NR3C2: variants seen among roughly 807,000 people sequenced by gnomAD.
NR3C2 encodes mineralocorticoid receptor.
A neutral mutation model predicts 86.4 loss-of-function variants in NR3C2; 15 were observed. The ratio of observed to expected loss-of-function variants is 0.17; its 90% confidence interval spans 0.12 to 0.27. NR3C2 has a LOEUF of 0.27. Among genes scored for constraint, NR3C2 ranks in the 10% least tolerant of loss-of-function variants. The pLI is 1.00. For missense variants in NR3C2, 960 were observed against 1,195.6 expected, an observed-to-expected ratio of 0.80 and a Z score of 2.91; for synonymous variants, 458 against 450.5, an observed-to-expected ratio of 1.02 and a Z score of -0.21.
At chr4:148,423,675 A>T (rs978059557) in intron 2 of NR3C2, among the ~76,000 whole-genome samples, 2 of 152,226 alleles carry the variant, frequency 1.3e-5, no homozygotes, top group African/African-American at 4.8e-5. Flanking sequence ...CATTAAGGAC[A>T]GAGTGGGGAC....
intron 2 of NR3C2, among the ~76,000 whole-genome samples, chr4:148,395,787 T>C (rs1747828526): frequency 6.6e-6 from 1 of 152,232 alleles, no homozygotes. Context: ...GTTATTATGA[T>C]GGCAAAGAAC....
intron 4 of NR3C2, among the ~76,000 whole-genome samples, chr4:148,185,702 T>G (rs1735859888): frequency 6.6e-6 from 1 of 152,192 alleles, no homozygotes. Context: ...TTCTATACAA[T>G]ATGCTTTCTA....
At chr4:148,216,139 G>A (rs961508003) in intron 3 of NR3C2, among the ~76,000 whole-genome samples, 5 of 151,990 alleles carry the variant, frequency 3.3e-5, no homozygotes, top group African/African-American at 1.2e-4. Context: ...AATGAGTATG[G>A]CTCTGTTCCA....
At chr4:148,167,030 CTTGTTACTATTCTGCT>C (rs1344803609) in intron 4 of NR3C2, among the ~76,000 whole-genome samples, 9 of 152,280 alleles carry the variant, frequency 5.9e-5, no homozygotes, top group African/African-American at 1.9e-4. Flanking sequence ...TTGCCACTTC[CTTGTTACTATTCTGCT>C]TATGTTCTAA....
At chr4:148,431,566 G>T (rs965896323) in intron 2 of NR3C2, among the ~76,000 whole-genome samples, 3 of 152,074 alleles carry the variant, frequency 2.0e-5, no homozygotes, top group Non-Finnish European at 4.4e-5. Flanking sequence ...ATTTAGCTTT[G>T]TCATAATTTA....
At chr4:148,300,483 T>G (rs955472199) in intron 2 of NR3C2, among the ~76,000 whole-genome samples, 12 of 152,172 alleles carry the variant, frequency 7.9e-5, no homozygotes, top group Admixed American at 2.0e-4. Flanking sequence ...GTTATAGGTA[T>G]ATTTAAAAGG....
chr4:148,196,279 G>A (rs1005790628), intron 3 of NR3C2, among the ~76,000 whole-genome samples: 2 of 152,182 alleles, frequency 1.3e-5, no homozygotes, highest in African/African-American at 4.8e-5. Flanking sequence ...AGGAGCCAGT[G>A]GTTTATGAGG....
At chr4:148,136,086 A>ACC (rs1560940043) in intron 6 of NR3C2, among the ~76,000 whole-genome samples, 2 of 136,798 alleles carry the variant, frequency 1.5e-5, no homozygotes, top group Non-Finnish European at 3.2e-5. Context: ...ACAAAAAAAA[A>ACC]AAACACCACC....
chr4:148,171,055 C>T (rs1052562180), intron 4 of NR3C2, among the ~76,000 whole-genome samples: 12 of 152,204 alleles, frequency 7.9e-5, no homozygotes, highest in Non-Finnish European at 1.6e-4. Context: ...ATTTCCACAA[C>T]AGGCTTCCTT....
chr4:148,277,964 T>C (rs897453104), intron 2 of NR3C2, among the ~76,000 whole-genome samples: 2 of 152,216 alleles, frequency 1.3e-5, no homozygotes, highest in Admixed American at 6.5e-5. Flanking sequence ...GGAAACAACA[T>C]GTATTCTCCA....
intron 2 of NR3C2, among the ~76,000 whole-genome samples, chr4:148,422,781 AT>A (rs920209313): frequency 1.3e-5 from 2 of 151,854 alleles, no homozygotes; most frequent in South Asian, 4.1e-4. Flanking sequence ...TCCTGGGGGT[AT>A]TTTTTTCTGT....
At chr4:148,117,880 GCTGGGCACAGA>G (rs1732342329) in intron 7 of NR3C2, among the ~76,000 whole-genome samples, 2 of 152,172 alleles carry the variant, frequency 1.3e-5, no homozygotes, top group African/African-American at 4.8e-5. Flanking sequence ...CATGGCAAGG[GCTGGGCACAGA>G]CTGGATACTC....
intron 2 of NR3C2, among the ~76,000 whole-genome samples, chr4:148,427,469 T>C (rs1372414780): frequency 3.3e-5 from 5 of 151,822 alleles, no homozygotes; most frequent in African/African-American, 1.2e-4. Context: ...GTTGGGTCTA[T>C]CAAGCCCAAG....
intron 6 of NR3C2, among the ~76,000 whole-genome samples, chr4:148,130,935 T>C (rs1733015352): frequency 6.6e-6 from 1 of 150,406 alleles, no homozygotes; most frequent in East Asian, 2.0e-4. Flanking sequence ...GCCATTCTCC[T>C]GCCTCAGCCT....
chr4:148,298,695 G>A (rs1742181378), intron 2 of NR3C2, among the ~76,000 whole-genome samples: 1 of 152,194 alleles, frequency 6.6e-6, no homozygotes, highest in South Asian at 2.1e-4. Flanking sequence ...ATCATCCACT[G>A]TTAATTAGCA....
At chr4:148,262,176 A>T (rs1740156321) in intron 2 of NR3C2, among the ~76,000 whole-genome samples, 1 of 152,236 alleles carries the variant, frequency 6.6e-6, no homozygotes, top group Non-Finnish European at 1.5e-5. Context: ...CATCATGAAA[A>T]TGTAATTGCT....
intron 3 of NR3C2, among the ~76,000 whole-genome samples, chr4:148,203,401 C>T (rs1426081413): frequency 2.7e-5 from 4 of 150,594 alleles, no homozygotes; most frequent in African/African-American, 7.3e-5. Flanking sequence ...GTGCTTAAAT[C>T]TCTTTTTCAT....
chr4:148,395,213 T>C (rs543707562), intron 2 of NR3C2, among the ~76,000 whole-genome samples: 101 of 152,322 alleles, frequency 6.6e-4, no homozygotes, highest in African/African-American at 2.4e-3. Context: ...AAATATTAAT[T>C]AGTATGTATA....
In NR3C2 at chr4:148,081,447, G is replaced by A. The variant is rs547308323; in HGVS notation, c.2852C>T (p.Ala951Val). The change falls in exon 9 of 9, where the codon GCG (alanine) becomes GTG (valine). Residue 951 changes from alanine to valine, a missense_variant. Physicochemically the swap from Ala to Val is moderately conservative, Grantham distance 64 (BLOSUM62 0). Around this residue, in one of 4 missense-constraint regions of NR3C2, gnomAD observed 151 missense variants for 296.3 expected, o/e 0.51. Coordinates refer to ENST00000358102, the MANE Select transcript of NR3C2 (RefSeq NM_000901.5). The part of the protein sequence containing the change: ...FCFYTFRESH[A>V]LKVEFPAMLV... ...CATTGCGGGGAACTCTACCTTCAGC[G>A]CATGGGACTCTCGGAAGGTGTAGAA... 120 of 1,613,980 alleles carry A rather than the reference G, an allele frequency of 7.4e-5. No homozygotes were observed. Among genetic ancestry groups the A allele is most frequent in the Middle Eastern group, 3.3e-4 (2 of 6,082 alleles).
Sources: gnomAD v4.1 joint callset for allele counts (sites outside exome capture counted in the v4.1 genomes callset) on GRCh38, gnomAD v4.1.1 for gene constraint, gnomAD v4.1.1 regional missense constraint, MANE v1.5 for transcripts, NCBI Gene and HGNC (gene_info 2026-07-23, HGNC 2026-07-21) for gene names.